IL2RA: variants seen among roughly 807,000 people sequenced by gnomAD.
IL2RA encodes the protein interleukin 2 receptor subunit alpha.
In IL2RA, 24 loss-of-function variants were observed where a neutral mutation model predicts 37.8. The observed-to-expected ratio is 0.63, with a 90% CI of 0.46 to 0.89. The LOEUF (loss-of-function observed/expected upper bound fraction) is 0.89. IL2RA is among the 40% of genes least tolerant of loss of function. The pLI is 0.00. For missense variants in IL2RA, 319 were observed against 348.6 expected (o/e 0.92, Z 0.68); for synonymous variants, 125 against 114.6 (o/e 1.09, Z -0.58).
intron 1 of IL2RA, among the ~76,000 whole-genome samples, chr10:6,060,727 A>G (rs1390641953): frequency 6.6e-6 from 1 of 152,182 alleles, no homozygotes. Flanking sequence ...ACTGCACTCC[A>G]GCCTGGGCAA....
At chr10:6,050,012 G>A (rs1839923983) in intron 1 of IL2RA, among the ~76,000 whole-genome samples, 1 of 152,154 alleles carries the variant, frequency 6.6e-6, no homozygotes, top group Non-Finnish European at 1.5e-5. Context: ...GCTATGTGCT[G>A]AGGGAACAGT....
intron 1 of IL2RA, among the ~76,000 whole-genome samples, chr10:6,037,549 T>C (rs1329372284): frequency 6.6e-6 from 1 of 152,210 alleles, no homozygotes; most frequent in East Asian, 1.9e-4. Context: ...GTCTAGGTGA[T>C]GATTTCACTG....
chr10:6,059,100 C>T (rs1840088316), intron 1 of IL2RA, among the ~76,000 whole-genome samples: 1 of 152,222 alleles, frequency 6.6e-6, no homozygotes, highest in Admixed American at 6.5e-5. Context: ...TGGTTTCTTA[C>T]CCTGGAGTGA....
chr10:6,061,832 A>G (rs1466077579), intron 1 of IL2RA, among the ~76,000 whole-genome samples: 1 of 152,202 alleles, frequency 6.6e-6, no homozygotes, highest in Non-Finnish European at 1.5e-5. Context: ...ATATCATGCC[A>G]CACTATTCTT....
In IL2RA at chr10:6,029,133, TTTA is replaced by T. The variant is rs1839534458; in HGVS notation, c.65-3111_65-3109del. On this transcript the variant is annotated intron_variant, in intron 1 of 7. Coordinates refer to ENST00000379959, the MANE Select transcript of IL2RA (RefSeq NM_000417.3). This position sits in a 1 kb window ranked among gnomAD's most constrained non-coding sequence, Gnocchi z 4.6. ...TGCAGATTTGCTGCCATTTATTTTA[TTTA>T]TTTATTTATTTATTTATTTATTTAT... 0.099 allele frequency among the ~76,000 whole-genome samples: 226 copies of T among 2,274 alleles called. 1 individual carries two copies. Among genetic ancestry groups the T allele is most frequent in the Admixed American group, 0.29 (113 of 384 alleles). 1.5% of individuals were successfully genotyped at this position (2,274 alleles called of 152,430 possible). A position where few individuals can be genotyped will look rare whatever the true frequency, so the allele number is the denominator to read the frequency against.
chr10:6,042,061 A>C (rs918837452), intron 1 of IL2RA, among the ~76,000 whole-genome samples: 2 of 151,166 alleles, frequency 1.3e-5, no homozygotes, highest in African/African-American at 2.4e-5. Context: ...ATGGTTGATA[A>C]GGTGAAGAAT....
intron 1 of IL2RA, among the ~76,000 whole-genome samples, chr10:6,032,692 C>CA (rs59428144): frequency 1.4e-4 from 16 of 112,704 alleles, no homozygotes; most frequent in Admixed American, 6.9e-4. Flanking sequence ...GACTCCATCT[C>CA]AAAAAAAAAA....
At chr10:6,049,893 G>A (rs1839921502) in intron 1 of IL2RA, among the ~76,000 whole-genome samples, 1 of 152,214 alleles carries the variant, frequency 6.6e-6, no homozygotes, top group Non-Finnish European at 1.5e-5. Context: ...GACAAGATGG[G>A]GAAGATTGTT....
At chr10:6,034,184 C>T (rs890025481) in intron 1 of IL2RA, among the ~76,000 whole-genome samples, 9 of 152,244 alleles carry the variant, frequency 5.9e-5, no homozygotes, top group Middle Eastern at 3.4e-3. Context: ...AGAGGTCATG[C>T]GGGGACAAGG....
At chr10:6,034,635 C>A (rs545731697) in intron 1 of IL2RA, among the ~76,000 whole-genome samples, 2 of 152,290 alleles carry the variant, frequency 1.3e-5, no homozygotes, top group Admixed American at 1.3e-4. Flanking sequence ...CAGCATACAA[C>A]TGTCCTCATT....
rs1840016470 is a variant in IL2RA at position 6,054,748 on chromosome 10, G to C, written c.64+7340C>G. Among the ~76,000 whole-genome samples, 1 of 152,090 alleles carries C rather than the reference G, an allele frequency of 6.6e-6. No individual in the cohort carries two copies. The highest frequency in any genetic ancestry group is 1.5e-5 in the Non-Finnish European group (1 of 68,018). ...AGGAGGTCCCAGGGCCACCTTCTCTGAGAATTTTTTTTCTAGTTCTCCAGG... is the reference window on the plus strand; with the variant it reads ...AGGAGGTCCCAGGGCCACCTTCTCTCAGAATTTTTTTTCTAGTTCTCCAGG... On this transcript the variant is annotated intron_variant, in intron 1 of 7. Coordinates refer to ENST00000379959, the MANE Select transcript of IL2RA (RefSeq NM_000417.3). This position sits in a 1 kb window ranked among gnomAD's most constrained non-coding sequence, Gnocchi z 4.5.
At chr10:6,023,408 T>A (rs12722578) in intron 3 of IL2RA, among the ~76,000 whole-genome samples, 4,400 of 152,294 alleles carry the variant, frequency 0.029, 98 homozygotes, top group South Asian at 0.12. Context: ...CAATCTCTGC[T>A]CACTGCAACC....
At chr10:6,039,942 T>G (rs1839745878) in intron 1 of IL2RA, among the ~76,000 whole-genome samples, 1 of 152,094 alleles carries the variant, frequency 6.6e-6, no homozygotes, top group Non-Finnish European at 1.5e-5. Context: ...GCCTGAAAGG[T>G]GGGTGGGAGT....
rs890619687 is a variant in IL2RA, at chr10:6,058,173, A to C, written c.64+3915T>G. Among the ~76,000 whole-genome samples the C allele has an allele frequency of 2.0e-5, 3 of 152,156 alleles. No individual in the cohort carries two copies. Among genetic ancestry groups the C allele is most frequent in the African/African-American group, 7.2e-5 (3 of 41,446 alleles). On this transcript the variant is annotated intron_variant, in intron 1 of 7. Coordinates refer to ENST00000379959, the MANE Select transcript of IL2RA (RefSeq NM_000417.3). The surrounding 1 kb of genome is among the most constrained non-coding windows in gnomAD (Gnocchi z 4.2). ...TCACAAAGAGGTATTCAGAATACCCAAGGCTTTAGGCAAAAACCAGTCTGG... is the reference window on the plus strand; with the variant it reads ...TCACAAAGAGGTATTCAGAATACCCCAGGCTTTAGGCAAAAACCAGTCTGG...
At chr10:6,024,644 CTG>C (rs752036031) in intron 2 of IL2RA, among the ~76,000 whole-genome samples, 1 of 149,870 alleles carries the variant, frequency 6.7e-6, no homozygotes, top group East Asian at 2.1e-4. Context: ...TGTTACGTGT[CTG>C]TGTATGTCAT....
rs760357500 is a variant in IL2RA, at chr10:6,019,916, G to A, written c.609C>T (p.Pro203=). The A allele has an allele frequency of 1.6e-4, 259 of 1,614,114 alleles. No homozygotes were observed. The highest frequency in any genetic ancestry group is 2.1e-4 in the Non-Finnish European group (243 of 1,179,976). The change falls in exon 5 of 8, where the codon CCC becomes CCT. Residue 203 remains proline, a synonymous_variant. Coordinates refer to ENST00000379959, the MANE Select transcript of IL2RA (RefSeq NM_000417.3). The stretch of plus-strand genomic sequence containing the variant: ...AAGTCTCACTCTCAGGACGGCCTTC[G>A]GGGCTTGCCTGAGGCTTCTCTTCAC... ...FPGEEKPQAS[P]EGRPESETSC...
intron 1 of IL2RA, among the ~76,000 whole-genome samples, chr10:6,041,854 A>T (rs1162240605): frequency 6.6e-6 from 1 of 152,156 alleles, no homozygotes; most frequent in East Asian, 1.9e-4. Flanking sequence ...TTCACAGATA[A>T]ATATCACTGT....
In IL2RA at chr10:6,019,895, C is replaced by T; in HGVS notation, c.630G>A (p.Glu210=). Residue 210 remains glutamate, a synonymous_variant, in exon 5 of 8, where the codon GAG becomes GAA. Coordinates refer to ENST00000379959, the MANE Select transcript of IL2RA (RefSeq NM_000417.3). The part of the protein sequence containing the change: ...QASPEGRPES[E]TSCLVTTTDF... The stretch of plus-strand genomic sequence containing the variant: ...CTGTTGTTGTGACGAGGCAGGAAGT[C>T]TCACTCTCAGGACGGCCTTCGGGGC... 1 of 1,614,200 alleles carries T rather than the reference C, an allele frequency of 6.2e-7. No homozygotes were observed. Among genetic ancestry groups the T allele is most frequent in the Middle Eastern group, 1.6e-4 (1 of 6,062 alleles).
Position 6,054,792 on chromosome 10 carries a change from A to G in IL2RA, c.64+7296T>C, listed in dbSNP as rs555194222. Among the ~76,000 whole-genome samples the G allele has an allele frequency of 2.3e-4, 35 of 152,208 alleles. No individual in the cohort carries two copies. The South Asian group carries it at 7.1e-3, about 31-fold the overall frequency. The stretch of plus-strand genomic sequence containing the variant: ...CTCCAGGTAGCATGTTACTCTCCCT[A>G]TTCTGATCATTTATGGCATTATTTG... On this transcript the variant is annotated intron_variant, in intron 1 of 7. Transcript: ENST00000379959. This position sits in a 1 kb window ranked among gnomAD's most constrained non-coding sequence, Gnocchi z 4.5.
Sources: allele counts gnomAD v4.1 joint callset (sites outside exome capture counted in the v4.1 genomes callset), GRCh38; gene constraint gnomAD v4.1.1; non-coding constraint Gnocchi (gnomAD v3.1); transcripts MANE v1.5; gene names NCBI Gene and HGNC (gene_info 2026-07-23, HGNC 2026-07-21).